The following FAM240C variants were observed in gnomAD, a reference collection of about 807,000 sequenced individuals.
FAM240C encodes the protein protein FAM240C.
Under a neutral mutation model 10.0 loss-of-function variants are expected in FAM240C, and 14 were observed. The observed-to-expected ratio is 1.40, with a 90% CI of 0.92 to 2.19. The LOEUF (loss-of-function observed/expected upper bound fraction) is 2.19. Ranked by LOEUF, FAM240C falls within the 30% of genes most tolerant of loss-of-function variation. FAM240C has a pLI of 0.00. For missense variants in FAM240C, 154 were observed against 122.3 expected, an observed-to-expected ratio of 1.26 and a Z score of -1.22; for synonymous variants, 49 against 44.3, an observed-to-expected ratio of 1.11 and a Z score of -0.42.
At chr2:241,897,399 T>A in intron 1 of FAM240C, 65 bp from the exon 2 acceptor site, 2 of 1,514,542 alleles carry the variant, frequency 1.3e-6, no homozygotes, top group South Asian at 2.5e-5. Flanking sequence ...GAGTTTGTGC[T>A]CCAGCACCCG....
At chr2:241,896,926 T>G (rs182457317) in intron 2 of FAM240C, among the ~76,000 whole-genome samples, 2 of 151,688 alleles carry the variant, frequency 1.3e-5, no homozygotes. Context: ...TGATGTTTGA[T>G]CTGAGCTCCT....
chr2:241,897,096 T>A, intron 2 of FAM240C, 90 bp downstream of exon 2: 1 of 1,418,928 alleles, frequency 7.0e-7, no homozygotes, highest in East Asian at 2.5e-5. Flanking sequence ...CAGGGCTGTG[T>A]CAGGGCACAC....
chr2:241,900,618 G>A (rs1178084884), upstream of FAM240C, among the ~76,000 whole-genome samples: 1 of 152,170 alleles, frequency 6.6e-6, no homozygotes, highest in Non-Finnish European at 1.5e-5. This position sits in a 1 kb window ranked among gnomAD's most constrained non-coding sequence, Gnocchi z 4.5. Flanking sequence ...GGCCTCCTCT[G>A]CCCTCAGCCC....
intron 1 of FAM240C, 66 bp from the exon 2 acceptor site, chr2:241,897,400 C>T (rs575647404): frequency 1.3e-6 from 2 of 1,512,064 alleles, no homozygotes; most frequent in East Asian, 2.5e-5. Context: ...AGTTTGTGCT[C>T]CAGCACCCGG....
At chr2:241,894,873 C>T (rs28368848) in intron 2 of FAM240C, among the ~76,000 whole-genome samples, 35,402 of 152,164 alleles carry the variant, frequency 0.23, 4,557 homozygotes, top group African/African-American at 0.34. Context: ...CCGGCCTGGC[C>T]ACAGTGGACG....
intron 2 of FAM240C, among the ~76,000 whole-genome samples, chr2:241,896,559 T>TGGGGTGTGGGTGTGGGGGTGTGGGTGTG (rs1559468328): frequency 4.7e-4 from 6 of 12,760 alleles, no homozygotes; most frequent in African/African-American, 6.6e-4. Context: ...GTGTGTGTGT[T>TGGGGTGTGGGTGTGGGGGTGTGGGTGTG]GGGGTGTGGG....
intron 1 of FAM240C, among the ~76,000 whole-genome samples, chr2:241,897,852 A>T (rs1486151279): frequency 1.3e-5 from 2 of 152,156 alleles, no homozygotes; most frequent in Non-Finnish European, 1.5e-5. Flanking sequence ...GTCCCACCTC[A>T]GCTTCCTGAG....
intron 2 of FAM240C, among the ~76,000 whole-genome samples, chr2:241,896,972 C>T (rs923123772): frequency 1.3e-5 from 2 of 151,810 alleles, no homozygotes; most frequent in Non-Finnish European, 2.9e-5. Flanking sequence ...CTTGTCATTT[C>T]CCACCTACTG....
Position 241,893,997 on chromosome 2 carries a change from CTTAGG to C in FAM240C, c.*211_*215del. 1 of 451,838 alleles carries C rather than the reference CTTAGG, an allele frequency of 2.2e-6. No homozygotes were observed. The highest frequency in any genetic ancestry group is 3.5e-5 in the Admixed American group (1 of 28,366). The allele number at this position is 451,838 out of a possible 1,614,324, so 28.0% of individuals were successfully genotyped here. Reference sequence around the variant, plus strand: ...AGCACGAAACATTCAATCCAATTGACTTAGGTTTTATTGGGCACCAGAGATGCGCT... The same window carrying C: ...AGCACGAAACATTCAATCCAATTGACTTTTATTGGGCACCAGAGATGCGCT... On this transcript the variant is annotated 3_prime_UTR_variant, in exon 3 of 3. Transcript: ENST00000404031.
chr2:241,901,841 G>A (rs373796594), upstream of FAM240C, among the ~76,000 whole-genome samples: 1 of 152,182 alleles, frequency 6.6e-6, no homozygotes, highest in Admixed American at 6.5e-5. The surrounding 1 kb of genome is among the most constrained non-coding windows in gnomAD (Gnocchi z 4.9). Context: ...TCCTATGCGC[G>A]AGCGCCCCGG....
At chr2:241,902,121 G>T (rs1339407244), upstream of FAM240C, among the ~76,000 whole-genome samples, 1 of 152,168 alleles carries the variant, frequency 6.6e-6, no homozygotes, top group Non-Finnish European at 1.5e-5. This position sits in a 1 kb window ranked among gnomAD's most constrained non-coding sequence, Gnocchi z 7.1. Flanking sequence ...TGCATTTGCC[G>T]CAGGCTGAGG....
At chr2:241,899,071 C>G (rs944017298) in intron 1 of FAM240C, 6 of 1,257,260 alleles carry the variant, frequency 4.8e-6, no homozygotes, top group Non-Finnish European at 5.3e-6. Flanking sequence ...AGAGGAAAAC[C>G]AGGCAGCTGA....
chr2:241,899,428 G>T, intron 1 of FAM240C: 1 of 752,260 alleles, frequency 1.3e-6, no homozygotes, highest in Non-Finnish European at 1.6e-6. Flanking sequence ...ACGCTGGCGC[G>T]AATTCAGTGA....
At chr2:241,899,179 C>T (rs1295806752) in intron 1 of FAM240C, 2 of 1,304,018 alleles carry the variant, frequency 1.5e-6, no homozygotes, top group African/African-American at 3.0e-5. Flanking sequence ...TGAACAGGTG[C>T]TGGGGACTCC....
chr2:241,902,224 G>A (rs992979013), upstream of FAM240C, among the ~76,000 whole-genome samples: 2 of 151,924 alleles, frequency 1.3e-5, no homozygotes, highest in African/African-American at 2.4e-5. The surrounding 1 kb of genome is among the most constrained non-coding windows in gnomAD (Gnocchi z 7.1). Context: ...GGACTTTCCT[G>A]CACCCGCCAC....
rs1701945263 is a variant in FAM240C at position 241,900,092 on chromosome 2, C to G, written c.12+266G>C. 6.6e-6 allele frequency among the ~76,000 whole-genome samples: 1 copy of G among 152,080 alleles called. No homozygotes were observed. Among genetic ancestry groups the G allele is most frequent in the South Asian group, 2.1e-4 (1 of 4,812 alleles). ...ATAAACAACAACAACAGCAACAAAA[C>G]AAAACAACAATGACAACAACAGACA... On this transcript the variant is annotated intron_variant, in intron 1 of 2. Transcript: ENST00000404031. This position sits in a 1 kb window ranked among gnomAD's most constrained non-coding sequence, Gnocchi z 4.5.
chr2:241,894,434 A>C (rs890952618), intron 2 of FAM240C, 95 bp from the exon 3 acceptor site: 14 of 1,396,546 alleles, frequency 1.0e-5, no homozygotes, highest in Non-Finnish European at 1.3e-5. Flanking sequence ...CACCTGTGAG[A>C]GCAGGAGTAT....
intron 2 of FAM240C, among the ~76,000 whole-genome samples, chr2:241,894,660 C>T (rs1283260635): frequency 6.6e-6 from 1 of 150,936 alleles, no homozygotes; most frequent in African/African-American, 2.4e-5. Flanking sequence ...GTCCCCAGTT[C>T]TGGAAGCTTC....
chr2:241,894,957 G>C (rs1701758271), intron 2 of FAM240C, among the ~76,000 whole-genome samples: 1 of 152,214 alleles, frequency 6.6e-6, no homozygotes, highest in South Asian at 2.1e-4. Flanking sequence ...AGTGGTCCAG[G>C]CTCCCCGAGA....
Sources: gnomAD v4.1 joint callset for allele counts (sites outside exome capture counted in the v4.1 genomes callset) on GRCh38, gnomAD v4.1.1 for gene constraint, Gnocchi (gnomAD v3.1) non-coding constraint, MANE v1.5 for transcripts, NCBI Gene and HGNC (gene_info 2026-07-23, HGNC 2026-07-21) for gene names.